Variants in UGGT1 observed in about 807,000 individuals in gnomAD.
The protein encoded by UGGT1 is UDP-glucose:glycoprotein glucosyltransferase 1.
UGGT1 carries 107 observed loss-of-function variants against 203.9 expected under a neutral mutation model. The ratio of observed to expected loss-of-function variants is 0.52; its 90% CI spans 0.45 to 0.62. The LOEUF (loss-of-function observed/expected upper bound fraction) is 0.62, where lower values mean the gene tolerates loss of function less well. Ranked by LOEUF, UGGT1 falls within the 20% of genes least tolerant of loss-of-function variation. UGGT1 has a pLI of 0.00. For synonymous variants in UGGT1, 628 were observed against 653.5 expected, an observed-to-expected ratio of 0.96 and a Z score of 0.59; for missense variants, 1,673 against 1,867.2, an observed-to-expected ratio of 0.90 and a Z score of 1.92.
At chr2:128,125,552 G>C in intron 11 of UGGT1, among the ~76,000 whole-genome samples, 1 of 152,036 alleles carries the variant, frequency 6.6e-6, no homozygotes, top group Non-Finnish European at 1.5e-5. Context: ...CCAAAATTTG[G>C]TGGCCTTTTT....
chr2:128,177,880 A>G lies in UGGT1; in HGVS notation c.3673A>G (p.Thr1225Ala). Residue 1225 changes from threonine to alanine, a missense_variant, in exon 33 of 41, where the codon ACG becomes GCG. Transcript: ENST00000259253. ...MVNEDLLSDG[T>A]SENESGFWDS... ...GAACGAAGACTTGCTGAGTGATGGAACGAGTGAGAATGAATCTGGATTTTG... is the reference window on the plus strand; with the variant it reads ...GAACGAAGACTTGCTGAGTGATGGAGCGAGTGAGAATGAATCTGGATTTTG... 6.2e-7 allele frequency: 1 copy of G among 1,605,572 alleles called. No individual in the cohort carries two copies. The highest frequency in any genetic ancestry group is 8.5e-7 in the Non-Finnish European group (1 of 1,176,440).
intron 1 of UGGT1, among the ~76,000 whole-genome samples, chr2:128,095,244 G>A (rs1446982133): frequency 6.6e-6 from 1 of 152,028 alleles, no homozygotes; most frequent in Non-Finnish European, 1.5e-5. Context: ...TTTCATTTTT[G>A]TGTGTGTATT....
rs1297225734 is a variant in UGGT1 at position 128,158,319 on chromosome 2, A to G, written c.2355+973A>G. On this transcript the variant is annotated intron_variant, in intron 22 of 40. Coordinates refer to ENST00000259253, the MANE Select transcript of UGGT1 (RefSeq NM_020120.4). ...GAACACACTCTTGTGACCACCACTC[A>G]GGTCAAAAAATAGAGAATTCTCAAG... Among the ~76,000 whole-genome samples the G allele has an allele frequency of 2.0e-5, 3 of 152,330 alleles. No individual in the cohort carries two copies. In the East Asian group the frequency reaches 5.8e-4, roughly 29 times the overall value.
chr2:128,102,845 T>C (rs868020193), intron 2 of UGGT1, among the ~76,000 whole-genome samples: 11 of 152,204 alleles, frequency 7.2e-5, no homozygotes, highest in African/African-American at 2.4e-4. Context: ...ATTTAGTGTT[T>C]ATTTGCACAT....
At chr2:128,177,278 T>C (rs1691445648) in intron 32 of UGGT1, among the ~76,000 whole-genome samples, 1 of 152,232 alleles carries the variant, frequency 6.6e-6, no homozygotes, top group Non-Finnish European at 1.5e-5. Flanking sequence ...CTTTCCGTTC[T>C]CTGAATGTTG....
At chr2:128,148,899 G>T (rs75378496) in intron 18 of UGGT1, among the ~76,000 whole-genome samples, 17,021 of 152,218 alleles carry the variant, frequency 0.11, 1,228 homozygotes, top group Non-Finnish European at 0.16. Flanking sequence ...AGTGAGGTCT[G>T]GTTCAGCCCA....
chr2:128,133,452 A>G (rs1688980294), intron 14 of UGGT1, among the ~76,000 whole-genome samples, 192 bp downstream of exon 14: 1 of 152,218 alleles, frequency 6.6e-6, no homozygotes, highest in Non-Finnish European at 1.5e-5. Flanking sequence ...GTGGGATGTA[A>G]CAGGAGCATT....
intron 37 of UGGT1, 29 bp from the exon 38 acceptor site, chr2:128,183,646 G>C: frequency 6.5e-7 from 1 of 1,546,742 alleles, no homozygotes; most frequent in Non-Finnish European, 8.9e-7. Context: ...TCCATGGTTG[G>C]TTGTAACAAG....
intron 1 of UGGT1, among the ~76,000 whole-genome samples, chr2:128,096,963 A>T (rs1264059961): frequency 1.3e-5 from 2 of 152,246 alleles, no homozygotes; most frequent in African/African-American, 4.8e-5. Context: ...CTGTTGGACT[A>T]GCTAGATATT....
At chr2:128,170,858 C>A (rs1691060801) in intron 27 of UGGT1, among the ~76,000 whole-genome samples, 1 of 152,130 alleles carries the variant, frequency 6.6e-6, no homozygotes. Flanking sequence ...AAATCTCTAA[C>A]CTTTTTTGTG....
intron 3 of UGGT1, among the ~76,000 whole-genome samples, chr2:128,104,356 A>G (rs920142136): frequency 8.5e-5 from 13 of 152,136 alleles, no homozygotes; most frequent in African/African-American, 3.1e-4. Context: ...TATTTTTGTT[A>G]TGAACTACAC....
intron 37 of UGGT1, among the ~76,000 whole-genome samples, chr2:128,182,514 C>T (rs1253807176): frequency 2.0e-5 from 3 of 152,130 alleles, no homozygotes; most frequent in Non-Finnish European, 2.9e-5. Flanking sequence ...GCCTGGCCAA[C>T]ATGGCGAAAC....
chr2:128,127,429 T>A lies in UGGT1; in HGVS notation c.1203T>A (p.Asp401Glu). 6.2e-7 allele frequency: 1 copy of A among 1,612,996 alleles called. No individual in the cohort carries two copies. The highest frequency in any genetic ancestry group is 8.5e-7 in the Non-Finnish European group (1 of 1,179,018). Residue 401 changes from aspartate to glutamate, a missense_variant, in exon 12 of 41, where the codon GAT becomes GAA. By Grantham distance (45) the Asp-to-Glu change is conservative. This residue lies in a region of UGGT1 where 1,073 missense variants were observed against 1,078.7 expected (regional missense o/e 0.99). Coordinates refer to ENST00000259253, the MANE Select transcript of UGGT1 (RefSeq NM_020120.4). ...TCTTCATCAATGGACTTCACATGGA[T>A]TTAGATACACAGGATATATTCAGGT... is the stretch of plus-strand genomic sequence containing the variant. ...SALFINGLHM[D>E]LDTQDIFSLF...
Position 128,189,381 on chromosome 2 carries a change from C to G in UGGT1, c.4643-336C>G, listed in dbSNP as rs546806928. 9.2e-5 allele frequency among the ~76,000 whole-genome samples: 14 copies of G among 152,280 alleles called. No individual in the cohort carries two copies. The South Asian group carries it at 2.3e-3, about 25-fold the overall frequency. ...TTTAAACATCCAAGAATGAGCTACA[C>G]TGATACATAGAAAATGTTTAGATGC... On this transcript the variant is annotated intron_variant, in intron 40 of 40. Transcript: ENST00000259253.
intron 18 of UGGT1, among the ~76,000 whole-genome samples, chr2:128,149,177 G>C (rs1026572962): frequency 1.1e-4 from 17 of 152,070 alleles, no homozygotes; most frequent in African/African-American, 4.1e-4. Flanking sequence ...AAGTAGCTGG[G>C]ACCATAGGTG....
Position 128,143,190 on chromosome 2 carries a change from T to C in UGGT1, c.1816T>C (p.Leu606=). 1 of 1,613,350 alleles carries C rather than the reference T, an allele frequency of 6.2e-7. No homozygotes were observed. The highest frequency in any genetic ancestry group is 1.1e-5 in the South Asian group (1 of 90,816). The change falls in exon 17 of 41, where the codon TTG becomes CTG. Residue 606 remains leucine (L), a synonymous_variant. Transcript: ENST00000259253. Reference sequence around the variant, plus strand: ...TCCGTATGTAGAAGTGAATAGCATTTTGGGGATTGATTCTGCTTATGATCG... The same window carrying C: ...TCCGTATGTAGAAGTGAATAGCATTCTGGGGATTGATTCTGCTTATGATCG... ...KYPYVEVNSI[L]GIDSAYDRNR...
chr2:128,134,764 A>G, intron 14 of UGGT1, 112 bp from the exon 15 acceptor site: 3 of 833,628 alleles, frequency 3.6e-6, no homozygotes, highest in Non-Finnish European at 5.9e-6. Flanking sequence ...ATGTGGTTCA[A>G]GCGTAGCTCG....
At position 128,178,716 on chromosome 2, in the gene UGGT1, A is replaced by G. The variant is rs115568497; in HGVS notation, c.3815+147A>G. On this transcript the variant is annotated intron_variant, in intron 34 of 40. Transcript: ENST00000259253. The stretch of plus-strand genomic sequence containing the variant: ...CATTGTGACTGGCTTGCCATTTATC[A>G]TTGGATTTGTTTTGATCCCGCCGTC... The G allele has an allele frequency of 3.7e-3, 2,650 of 714,466 alleles. 60 individuals carry two copies. The African/African-American group carries it at 0.044, about 12-fold the overall frequency. The allele number at this position is 714,466 out of a possible 1,614,324, so 44.3% of individuals were successfully genotyped here. A position where few individuals can be genotyped will look rare whatever the true frequency, so the allele number is the denominator to read the frequency against.
In UGGT1 at chr2:128,176,807, C is replaced by T. The variant is rs759700972; in HGVS notation, c.3540-7C>T. The T allele has an allele frequency of 6.2e-6, 10 of 1,612,978 alleles. No individual in the cohort carries two copies. Among genetic ancestry groups the T allele is most frequent in the East Asian group, 2.2e-5 (1 of 44,846 alleles). On this transcript the variant is annotated splice_polypyrimidine_tract_variant and splice_region_variant and intron_variant, in intron 31 of 40. Coordinates refer to ENST00000259253, the MANE Select transcript of UGGT1 (RefSeq NM_020120.4). ...CTTGTAATATTGATCTTTCTTTTCT[C>T]GCAAAGCCACGATGGCACTGATTCT...
Sources: gnomAD v4.1 joint callset for allele counts (sites outside exome capture counted in the v4.1 genomes callset) on GRCh38, gnomAD v4.1.1 for gene constraint, gnomAD v4.1.1 regional missense constraint, MANE v1.5 for transcripts, NCBI Gene and HGNC (gene_info 2026-07-23, HGNC 2026-07-21) for gene names.